The following FAM20C variants were observed in gnomAD, a reference collection of about 807,000 sequenced individuals.
FAM20C encodes the protein FAM20C golgi associated secretory pathway kinase.
Under a neutral mutation model 51.5 loss-of-function variants are expected in FAM20C, and 40 were observed. The ratio of observed to expected loss-of-function variants is 0.78; its 90% confidence interval spans 0.60 to 1.01. FAM20C has a LOEUF of 1.01. Among genes scored for constraint, FAM20C ranks in the 50% least tolerant of loss-of-function variants. FAM20C has a pLI of 0.00. For missense variants in FAM20C, 861 were observed against 844.7 expected (o/e 1.02, Z -0.24); for synonymous variants, 406 against 380.6 (o/e 1.07, Z -0.78).
chr7:242,151 C>G (rs1199810700), intron 3 of FAM20C, among the ~76,000 whole-genome samples: 5 of 152,118 alleles, frequency 3.3e-5, no homozygotes, highest in Admixed American at 3.3e-4. Context: ...CACATCACCA[C>G]ACGGTGAGCT....
intron 3 of FAM20C, among the ~76,000 whole-genome samples, chr7:245,477 C>T (rs1323084500): frequency 6.6e-6 from 1 of 151,776 alleles, no homozygotes; most frequent in Non-Finnish European, 1.5e-5. Flanking sequence ...GGCTGAGTTC[C>T]CTCCCTGGGC....
intron 3 of FAM20C, among the ~76,000 whole-genome samples, chr7:214,786 C>T (rs908950602): frequency 6.6e-5 from 10 of 152,244 alleles, no homozygotes; most frequent in Admixed American, 2.6e-4. Context: ...GTCCGGTGGA[C>T]GCACCCAGCA....
intron 8 of FAM20C, among the ~76,000 whole-genome samples, chr7:258,376 GCAGGGTGGACCCACTGCCCGGGA>G (rs1788722932): frequency 2.7e-5 from 3 of 109,948 alleles, no homozygotes; most frequent in African/African-American, 9.3e-5. Flanking sequence ...CTGGAGATGG[GCAGGGTGGACCCACTGCCCGGGA>G]TGCTGGAGAT....
rs535608714 is a variant in FAM20C, at chr7:195,230, G to A, written c.606-324G>A. On this transcript the variant is annotated intron_variant, in intron 1 of 9. Coordinates refer to ENST00000313766, the MANE Select transcript of FAM20C (RefSeq NM_020223.4). The stretch of plus-strand genomic sequence containing the variant: ...GCTGAGGTCATGGTTGGGCCATTTC[G>A]GTGACCCTGGGACAGACGTGGCGGG... 18 of 266,860 alleles carry A rather than the reference G, an allele frequency of 6.7e-5. No homozygotes were observed. The East Asian group carries it at 7.9e-4, about 12-fold the overall frequency. 16.5% of individuals were successfully genotyped at this position (266,860 alleles called of 1,614,324 possible). A position where few individuals can be genotyped will look rare whatever the true frequency, so the allele number is the denominator to read the frequency against.
chr7:235,015 C>CCGGG (rs1183955390), intron 3 of FAM20C, among the ~76,000 whole-genome samples: 56 of 152,184 alleles, frequency 3.7e-4, no homozygotes, highest in Admixed American at 1.1e-3. Context: ...GGAATGGGCC[C>CCGGG]CGGGCCACTT....
At chr7:223,073 G>A (rs567778558) in intron 3 of FAM20C, among the ~76,000 whole-genome samples, 3 of 152,272 alleles carry the variant, frequency 2.0e-5, no homozygotes, top group East Asian at 1.9e-4. Context: ...GCACGTGTGT[G>A]TAGGCTTATG....
At chr7:246,559 C>T (rs972622672) in intron 4 of FAM20C, 52 bp downstream of exon 4, 35 of 1,338,834 alleles carry the variant, frequency 2.6e-5, no homozygotes, top group South Asian at 6.6e-5. Context: ...TCAGACCCAC[C>T]GGTGAGTGAG....
intron 3 of FAM20C, among the ~76,000 whole-genome samples, chr7:230,859 A>G (rs1368225792): frequency 6.6e-6 from 1 of 151,610 alleles, no homozygotes; most frequent in Non-Finnish European, 1.5e-5. Flanking sequence ...ACTGCTCTCA[A>G]TAATATACTG....
intron 3 of FAM20C, among the ~76,000 whole-genome samples, chr7:222,985 G>A (rs564666509): frequency 6.6e-6 from 1 of 152,112 alleles, no homozygotes; most frequent in South Asian, 2.1e-4. Context: ...TGCAGGTGCT[G>A]TGTGGGTGCA....
chr7:243,119 CAA>C (rs1483101962), intron 3 of FAM20C, among the ~76,000 whole-genome samples: 1 of 105,442 alleles, frequency 9.5e-6, no homozygotes, highest in Non-Finnish European at 1.9e-5. Flanking sequence ...CTGTGCCACC[CAA>C]GAGACCTGTG....
intron 8 of FAM20C, among the ~76,000 whole-genome samples, chr7:258,251 T>C (rs879206563): frequency 1.1e-3 from 72 of 65,786 alleles, no homozygotes; most frequent in African/African-American, 2.9e-3. Flanking sequence ...ACCCACTGCC[T>C]GAGGTGCTGG....
At chr7:193,914 A>C in intron 1 of FAM20C, 110 bp downstream of exon 1, 3 of 1,397,984 alleles carry the variant, frequency 2.1e-6, no homozygotes, top group Non-Finnish European at 2.8e-6. Context: ...GAGGCCGGGC[A>C]GGGAGTGTGG....
chr7:242,634 C>G (rs145316415), intron 3 of FAM20C, among the ~76,000 whole-genome samples: 3 of 152,046 alleles, frequency 2.0e-5, no homozygotes, highest in Admixed American at 2.0e-4. Flanking sequence ...ATTCTCAGAG[C>G]TGCACTGCAC....
chr7:198,057 AC>A (rs1472491983), intron 2 of FAM20C, among the ~76,000 whole-genome samples: 1 of 152,114 alleles, frequency 6.6e-6, no homozygotes, highest in African/African-American at 2.4e-5. Flanking sequence ...TCCTGTGCCT[AC>A]TGAAGGCCTG....
In FAM20C at chr7:230,368, G is replaced by A. The variant is rs1226610215; in HGVS notation, c.864-16047G>A. 1.7e-4 allele frequency among the ~76,000 whole-genome samples: 14 copies of A among 81,656 alleles called. 1 individual carries two copies. The South Asian group carries it at 3.5e-3, about 20-fold the overall frequency. 53.6% of individuals were successfully genotyped at this position (81,656 alleles called of 152,430 possible). A position where few individuals can be genotyped will look rare whatever the true frequency, so the allele number is the denominator to read the frequency against. On this transcript the variant is annotated intron_variant, in intron 3 of 9. Coordinates refer to ENST00000313766, the MANE Select transcript of FAM20C (RefSeq NM_020223.4). ...GCCTTGCATTTCTTGTCCCCAGGAC[G>A]GGGTGGGGGGGGGGGGGAACAGATC...
At chr7:217,635 T>G (rs28465072) in intron 3 of FAM20C, among the ~76,000 whole-genome samples, 8 of 152,050 alleles carry the variant, frequency 5.3e-5, no homozygotes, top group African/African-American at 1.9e-4. Context: ...TCTGAGGCCT[T>G]TCTCGCACCC....
chr7:210,531 G>A (rs909742391), intron 3 of FAM20C, among the ~76,000 whole-genome samples: 1 of 152,126 alleles, frequency 6.6e-6, no homozygotes, highest in Non-Finnish European at 1.5e-5. Context: ...GAATGGCGGC[G>A]TCTTCATCTC....
intron 9 of FAM20C, 149 bp from the exon 10 acceptor site, chr7:259,582 C>CTCTTTTTG: frequency 1.0e-6 from 1 of 1,004,570 alleles, no homozygotes; most frequent in Non-Finnish European, 1.4e-6. Context: ...CTGTGTATGT[C>CTCTTTTTG]TCTGTCTTTT....
chr7:230,939 G>C (rs1287876796), intron 3 of FAM20C, among the ~76,000 whole-genome samples: 1 of 152,194 alleles, frequency 6.6e-6, no homozygotes, highest in Non-Finnish European at 1.5e-5. Flanking sequence ...CCCGCTGCTG[G>C]ACCCCGGTGG....
Sources: allele counts gnomAD v4.1 joint callset (sites outside exome capture counted in the v4.1 genomes callset), GRCh38; gene constraint gnomAD v4.1.1; transcripts MANE v1.5; gene names NCBI Gene and HGNC (gene_info 2026-07-23, HGNC 2026-07-21).